The following TRIM24 variants were observed in gnomAD, a reference collection of about 807,000 sequenced individuals.
TRIM24 encodes the protein transcription intermediary factor 1-alpha.
TRIM24 carries 29 observed loss-of-function variants against 123.9 expected under a neutral mutation model. The observed-to-expected ratio is 0.23, with a 90% CI of 0.17 to 0.32. TRIM24 has a LOEUF of 0.32. Ranked by LOEUF, TRIM24 falls within the 10% of genes least tolerant of loss-of-function variation. The pLI is 1.00. For missense variants in TRIM24, 932 were observed against 1,295.3 expected (o/e 0.72, Z 4.31); for synonymous variants, 456 against 461.1 (o/e 0.99, Z 0.14).
At chr7:138,569,556 A>G (rs1369365286) in intron 10 of TRIM24, among the ~76,000 whole-genome samples, 2 of 152,174 alleles carry the variant, frequency 1.3e-5, no homozygotes, top group Admixed American at 6.5e-5. Flanking sequence ...TCATGTACAT[A>G]GAAAAAAACC....
At chr7:138,583,580 A>G (rs1315045404) in intron 17 of TRIM24, among the ~76,000 whole-genome samples, 1 of 152,236 alleles carries the variant, frequency 6.6e-6, no homozygotes, top group East Asian at 1.9e-4. Flanking sequence ...AGATTGTGTC[A>G]CTGCACTCCA....
At chr7:138,531,225 C>T (rs28800871) in intron 6 of TRIM24, among the ~76,000 whole-genome samples, 92 of 146,878 alleles carry the variant, frequency 6.3e-4, no homozygotes, top group East Asian at 1.2e-3. Flanking sequence ...ATGTTACATA[C>T]GTATACATGT....
chr7:138,588,245 A>G lies in TRIM24; in HGVS notation c.*3294A>G, dbSNP rs1308032383. 1.3e-5 allele frequency: 2 copies of G among 152,240 alleles called. No individual in the cohort carries two copies. The highest frequency in any genetic ancestry group is 2.9e-5 in the Non-Finnish European group (2 of 68,042). The allele number at this position is 152,240 out of a possible 1,614,324, so 9.4% of individuals were successfully genotyped here. ...TGAGTTCCAAGGAGAGAGAGTGAGA[A>G]GAGGAACTCCTTTTGCTGAGCTCTG... On this transcript the variant is annotated 3_prime_UTR_variant, in exon 19 of 19. Coordinates refer to ENST00000343526, the MANE Select transcript of TRIM24 (RefSeq NM_015905.3).
At chr7:138,464,520 G>T (rs1253121260) in intron 1 of TRIM24, among the ~76,000 whole-genome samples, 3 of 151,908 alleles carry the variant, frequency 2.0e-5, no homozygotes, top group African/African-American at 7.3e-5. Flanking sequence ...ATAGCAATTT[G>T]TCATGTGAGT....
chr7:138,568,379 CTTTTTT>C (rs60386130), intron 10 of TRIM24, among the ~76,000 whole-genome samples: 32,404 of 68,196 alleles, frequency 0.48, 7,561 homozygotes, highest in Non-Finnish European at 0.53. Context: ...ACCTGGCCTC[CTTTTTT>C]TTTTTTTTTT....
In TRIM24 at chr7:138,558,658, C is replaced by T. The variant is rs57441924; in HGVS notation, c.1530+3692C>T. 7.2e-3 allele frequency among the ~76,000 whole-genome samples: 1,090 copies of T among 152,326 alleles called. 13 individuals are homozygous for T. The highest frequency in any genetic ancestry group is 0.045 in the South Asian group (217 of 4,828). The stretch of plus-strand genomic sequence containing the variant: ...AAAACTCGGAACTGTTGGGTTGAAT[C>T]GGTCCAGGTTTTCTTTATAATATAC... On this transcript the variant is annotated intron_variant, in intron 9 of 18. Coordinates refer to ENST00000343526, the MANE Select transcript of TRIM24 (RefSeq NM_015905.3).
intron 9 of TRIM24, among the ~76,000 whole-genome samples, chr7:138,567,135 G>C (rs972897387): frequency 6.6e-6 from 1 of 152,178 alleles, no homozygotes; most frequent in Non-Finnish European, 1.5e-5. Flanking sequence ...CAAAAGGGTA[G>C]TTCTTTGTGA....
chr7:138,507,972 C>T (rs1467328722), intron 2 of TRIM24, among the ~76,000 whole-genome samples: 2 of 151,896 alleles, frequency 1.3e-5, no homozygotes, highest in Non-Finnish European at 2.9e-5. Context: ...TTAATGATCT[C>T]ATTATTATCA....
intron 1 of TRIM24, among the ~76,000 whole-genome samples, chr7:138,496,416 A>G (rs1238969511): frequency 6.6e-6 from 1 of 151,972 alleles, no homozygotes; most frequent in Non-Finnish European, 1.5e-5. Flanking sequence ...TCCAATCTGG[A>G]TTTATTTATT....
At chr7:138,473,073 A>C (rs1375284151) in intron 1 of TRIM24, among the ~76,000 whole-genome samples, 1 of 152,178 alleles carries the variant, frequency 6.6e-6, no homozygotes, top group Non-Finnish European at 1.5e-5. Context: ...TGAGGTCAGG[A>C]GTTCGAGACC....
intron 1 of TRIM24, among the ~76,000 whole-genome samples, chr7:138,462,338 CTTTTTTTTT>C (rs34920255): frequency 3.2e-5 from 4 of 124,414 alleles, no homozygotes; most frequent in African/African-American, 1.2e-4. Flanking sequence ...GTGCAAAAAT[CTTTTTTTTT>C]TTTTTTTTTT....
At chr7:138,471,029 TG>T (rs1383168949) in intron 1 of TRIM24, among the ~76,000 whole-genome samples, 3 of 152,208 alleles carry the variant, frequency 2.0e-5, no homozygotes, top group African/African-American at 4.8e-5. Context: ...AGTTTTATTG[TG>T]AGGTTAACAA....
intron 1 of TRIM24, among the ~76,000 whole-genome samples, chr7:138,476,056 AAAAG>A (rs1795390017): frequency 6.6e-6 from 1 of 152,164 alleles, no homozygotes; most frequent in Admixed American, 6.5e-5. Flanking sequence ...TCATTTAAAA[AAAAG>A]AAGCTTCAGG....
intron 2 of TRIM24, among the ~76,000 whole-genome samples, chr7:138,508,700 C>CGCGCGCGCGT (rs1182276337): frequency 4.4e-3 from 158 of 35,564 alleles, no homozygotes; most frequent in African/African-American, 9.7e-3. Context: ...TGTGCGCGCG[C>CGCGCGCGCGT]GTGTGTGCGT....
Position 138,588,921 on chromosome 7 carries a change from T to C in TRIM24, c.*3970T>C, listed in dbSNP as rs897172344. On this transcript the variant is annotated 3_prime_UTR_variant, in exon 19 of 19. Transcript: ENST00000343526. ...ACTTTGGGATGCTGAGGCAGGAGAATAGCTTGAACCCAGGAGGTGGAGGTT... is the reference window on the plus strand; with the variant it reads ...ACTTTGGGATGCTGAGGCAGGAGAACAGCTTGAACCCAGGAGGTGGAGGTT... 1 of 150,038 alleles carries C rather than the reference T, an allele frequency of 6.7e-6. No individual in the cohort carries two copies. Among genetic ancestry groups the C allele is most frequent in the Non-Finnish European group, 1.5e-5 (1 of 67,828 alleles). 9.3% of individuals were successfully genotyped at this position (150,038 alleles called of 1,614,324 possible). A position where few individuals can be genotyped will look rare whatever the true frequency, so the allele number is the denominator to read the frequency against.
At chr7:138,480,786 C>G (rs1271842466) in intron 1 of TRIM24, among the ~76,000 whole-genome samples, 1 of 152,042 alleles carries the variant, frequency 6.6e-6, no homozygotes, top group African/African-American at 2.4e-5. Flanking sequence ...TTTGTATTAT[C>G]AATCTTTTTA....
intron 1 of TRIM24, among the ~76,000 whole-genome samples, chr7:138,484,484 T>G (rs1300355687): frequency 6.6e-6 from 1 of 151,858 alleles, no homozygotes; most frequent in Non-Finnish European, 1.5e-5. Context: ...ATCTGTTAGG[T>G]GGTGAGTTCT....
intron 6 of TRIM24, among the ~76,000 whole-genome samples, chr7:138,537,398 T>G (rs1281333449): frequency 7.2e-6 from 1 of 138,208 alleles, no homozygotes; most frequent in South Asian, 2.5e-4. Flanking sequence ...TTTTTTTTTT[T>G]TTTTTTTTTT....
rs777627767 is a variant in TRIM24, at chr7:138,580,188, A to AAACTT, written c.2586-371_2586-367dup. On this transcript the variant is annotated intron_variant, in intron 15 of 18. Coordinates refer to ENST00000343526, the MANE Select transcript of TRIM24 (RefSeq NM_015905.3). The stretch of plus-strand genomic sequence containing the variant: ...CATACTTTTGAAAATTTAATTTTAT[A>AAACTT]AACTTAAGAGTAACAAGAATAGTAC... 2.6e-5 allele frequency among the ~76,000 whole-genome samples: 4 copies of AAACTT among 152,320 alleles called. No homozygotes were observed. In the South Asian group the frequency reaches 6.2e-4, roughly 24 times the overall value.
Sources: allele counts gnomAD v4.1 joint callset (sites outside exome capture counted in the v4.1 genomes callset), GRCh38; gene constraint gnomAD v4.1.1; transcripts MANE v1.5; gene names NCBI Gene and HGNC (gene_info 2026-07-23, HGNC 2026-07-21).